LRMDA: variants seen among roughly 807,000 people sequenced by gnomAD.
The protein encoded by LRMDA is leucine-rich melanocyte differentiation-associated protein.
LRMDA carries 18 observed loss-of-function variants against 29.8 expected under a neutral mutation model. That is an observed-to-expected ratio of 0.60 (90% CI 0.42 to 0.90). The LOEUF (loss-of-function observed/expected upper bound fraction) is 0.90. Among genes scored for constraint, LRMDA ranks in the 40% least tolerant of loss-of-function variants. LRMDA has a pLI of 0.00. For missense variants in LRMDA, 273 were observed against 273.9 expected (o/e 1.00, Z 0.02); for synonymous variants, 125 against 109.4 (o/e 1.14, Z -0.89).
chr10:76,264,472 G>C (rs1006325795), intron 5 of LRMDA, among the ~76,000 whole-genome samples: 6 of 119,592 alleles, frequency 5.0e-5, no homozygotes, highest in Admixed American at 1.9e-4. Flanking sequence ...GAAGCAGATT[G>C]AAATAATGTG....
chr10:75,738,413 G>A (rs1842791536), intron 2 of LRMDA, among the ~76,000 whole-genome samples: 1 of 152,152 alleles, frequency 6.6e-6, no homozygotes, highest in South Asian at 2.1e-4. Context: ...CTTGTCCCAT[G>A]TAAGTTTGGT....
At chr10:75,632,344 A>T (rs1841334142) in intron 2 of LRMDA, among the ~76,000 whole-genome samples, 1 of 152,248 alleles carries the variant, frequency 6.6e-6, no homozygotes, top group African/African-American at 2.4e-5. Context: ...TTCTAAAAAT[A>T]CTTGGAGGCA....
intron 5 of LRMDA, among the ~76,000 whole-genome samples, chr10:76,226,653 A>C (rs1391496644): frequency 2.0e-5 from 3 of 152,302 alleles, no homozygotes; most frequent in African/African-American, 7.2e-5. Flanking sequence ...CAAGAACAGC[A>C]TGGTGAAAAC....
intron 5 of LRMDA, among the ~76,000 whole-genome samples, chr10:76,271,392 A>C (rs183573705): frequency 1.0e-3 from 155 of 152,038 alleles, no homozygotes; most frequent in African/African-American, 3.7e-3. Flanking sequence ...TGGGCAGCAG[A>C]GTTAGACCCT....
At chr10:76,140,131 C>T (rs1290694131) in intron 5 of LRMDA, among the ~76,000 whole-genome samples, 2 of 152,054 alleles carry the variant, frequency 1.3e-5, no homozygotes, top group African/African-American at 4.8e-5. Context: ...GTCTCTCTAG[C>T]GTAAGGATTA....
intron 6 of LRMDA, among the ~76,000 whole-genome samples, chr10:76,378,466 G>A (rs71475603): frequency 6.6e-6 from 1 of 152,140 alleles, no homozygotes; most frequent in Non-Finnish European, 1.5e-5. Flanking sequence ...CCAGTTCTTA[G>A]GGGGAATGCT....
intron 5 of LRMDA, among the ~76,000 whole-genome samples, chr10:76,186,970 A>T (rs972514821): frequency 1.1e-4 from 17 of 152,154 alleles, no homozygotes; most frequent in African/African-American, 4.1e-4. Context: ...TTTCTTCAAG[A>T]TAAGGATTTT....
At chr10:75,456,687 T>TATTTC (rs1404046318) in intron 2 of LRMDA, among the ~76,000 whole-genome samples, 2 of 152,200 alleles carry the variant, frequency 1.3e-5, no homozygotes, top group Non-Finnish European at 2.9e-5. Flanking sequence ...TATTTTATTT[T>TATTTC]GTTTTTTGAA....
intron 6 of LRMDA, among the ~76,000 whole-genome samples, chr10:76,556,959 G>C (rs1156521957): frequency 6.6e-6 from 1 of 152,174 alleles, no homozygotes; most frequent in Non-Finnish European, 1.5e-5. Flanking sequence ...TGGAAGAGAA[G>C]TCATGCAGAA....
At chr10:76,358,991 C>T (rs12259223) in intron 6 of LRMDA, among the ~76,000 whole-genome samples, 318 of 152,274 alleles carry the variant, frequency 2.1e-3, no homozygotes, top group African/African-American at 7.1e-3. Context: ...CACAGATGTT[C>T]GGCAAGGGAC....
chr10:75,949,033 A>G (rs1051165906), intron 2 of LRMDA, among the ~76,000 whole-genome samples: 1 of 151,810 alleles, frequency 6.6e-6, no homozygotes, highest in South Asian at 2.1e-4. Flanking sequence ...GTGTGTGTGC[A>G]TGTGTGTGTT....
At chr10:75,728,403 A>G (rs559644307) in intron 2 of LRMDA, among the ~76,000 whole-genome samples, 1 of 148,322 alleles carries the variant, frequency 6.7e-6, no homozygotes, top group Non-Finnish European at 1.5e-5. Context: ...TCATGTGCTT[A>G]GTTCTGTGCT....
chr10:75,883,137 C>T (rs909470470), intron 2 of LRMDA: 9 of 152,224 alleles, frequency 5.9e-5, no homozygotes, highest in African/African-American at 1.9e-4. Flanking sequence ...ATTTTGACCT[C>T]TCAAGCCAAA....
intron 5 of LRMDA, among the ~76,000 whole-genome samples, chr10:76,206,974 A>G (rs1043458476): frequency 1.3e-5 from 2 of 152,226 alleles, no homozygotes; most frequent in Admixed American, 1.3e-4. Context: ...ACAATTCTGT[A>G]AACATAGGCG....
chr10:75,487,897 C>T (rs748196073), intron 2 of LRMDA, among the ~76,000 whole-genome samples: 1 of 152,170 alleles, frequency 6.6e-6, no homozygotes, highest in Non-Finnish European at 1.5e-5. Context: ...ATGGGTCACT[C>T]TGAGGGTTTG....
chr10:75,490,907 A>G (rs1041399960), intron 2 of LRMDA, among the ~76,000 whole-genome samples: 1 of 152,202 alleles, frequency 6.6e-6, no homozygotes, highest in African/African-American at 2.4e-5. Flanking sequence ...AATGGAATCA[A>G]CCTCTCCTCT....
chr10:76,262,760 G>T (rs1435474891), intron 5 of LRMDA, among the ~76,000 whole-genome samples: 2 of 152,070 alleles, frequency 1.3e-5, no homozygotes, highest in African/African-American at 4.8e-5. Context: ...TTTCCCCAAA[G>T]CAAACCCTCT....
intron 5 of LRMDA, among the ~76,000 whole-genome samples, chr10:76,158,520 A>G (rs2395342): frequency 0.025 from 3,872 of 152,244 alleles, 165 homozygotes; most frequent in African/African-American, 0.089. Context: ...TGAAATGAAA[A>G]CTGATATATT....
intron 5 of LRMDA, among the ~76,000 whole-genome samples, chr10:76,128,166 T>C (rs1849919297): frequency 1.3e-5 from 2 of 152,160 alleles, no homozygotes; most frequent in Admixed American, 1.3e-4. Context: ...TTCTAGATGG[T>C]AACAGGAAAA....
Sources: gnomAD v4.1 joint callset for allele counts (sites outside exome capture counted in the v4.1 genomes callset) on GRCh38, gnomAD v4.1.1 for gene constraint, MANE v1.5 for transcripts, NCBI Gene and HGNC (gene_info 2026-07-23, HGNC 2026-07-21) for gene names.